PCSK5: variants seen among roughly 807,000 people sequenced by gnomAD.
PCSK5 encodes proprotein convertase subtilisin/kexin type 5.
Under a neutral mutation model 233.2 loss-of-function variants are expected in PCSK5, and 129 were observed. The observed-to-expected ratio is 0.55, with a 90% CI of 0.48 to 0.64. The LOEUF (loss-of-function observed/expected upper bound fraction) is 0.64, where lower values mean the gene tolerates loss of function less well. PCSK5 is among the 30% of genes least tolerant of loss of function. The probability of loss-of-function intolerance (pLI) is 0.00; values close to 1 mark genes in which losing one functional copy is unlikely to be tolerated. For synonymous variants in PCSK5, 825 were observed against 879.2 expected (o/e 0.94, Z 1.09); for missense variants, 2,076 against 2,430.1 (o/e 0.85, Z 3.06).
chr9:75,912,316 A>G (rs531019994), intron 1 of PCSK5, among the ~76,000 whole-genome samples: 5 of 152,164 alleles, frequency 3.3e-5, no homozygotes, highest in Non-Finnish European at 7.3e-5. Flanking sequence ...GAACCCTACT[A>G]TGTTGGAGGC....
intron 10 of PCSK5, among the ~76,000 whole-genome samples, chr9:76,152,751 C>A (rs1023760909): frequency 6.6e-6 from 1 of 152,152 alleles, no homozygotes; most frequent in Non-Finnish European, 1.5e-5. Flanking sequence ...TGCCCAGAAA[C>A]TTCTATTTTT....
At chr9:76,027,713 GT>G (rs1241525366) in intron 5 of PCSK5, among the ~76,000 whole-genome samples, 1 of 152,020 alleles carries the variant, frequency 6.6e-6, no homozygotes. Flanking sequence ...GAGAGAATGG[GT>G]TTTCTTGCTT....
intron 10 of PCSK5, among the ~76,000 whole-genome samples, chr9:76,137,102 C>G (rs896248974): frequency 5.9e-5 from 9 of 152,096 alleles, no homozygotes; most frequent in African/African-American, 1.9e-4. Context: ...TCCATTCTTA[C>G]CCACATGTGT....
chr9:76,273,974 T>C (rs1405003016), intron 24 of PCSK5, among the ~76,000 whole-genome samples: 7 of 151,710 alleles, frequency 4.6e-5, no homozygotes, highest in East Asian at 3.9e-4. Flanking sequence ...TTTTTTTTTT[T>C]CCAACAATTC....
chr9:75,937,777 G>A (rs13285402), intron 2 of PCSK5, among the ~76,000 whole-genome samples: 15,467 of 152,228 alleles, frequency 0.1, 927 homozygotes, highest in Non-Finnish European at 0.13. Context: ...ATCAGCACTT[G>A]CTGCTTCACC....
intron 24 of PCSK5, among the ~76,000 whole-genome samples, chr9:76,283,902 T>C (rs1248831271): frequency 6.6e-6 from 1 of 152,214 alleles, no homozygotes; most frequent in Non-Finnish European, 1.5e-5. Context: ...ATAGTCCGTC[T>C]ATAAAGAAGG....
chr9:76,201,524 T>G (rs1208877599), intron 20 of PCSK5, among the ~76,000 whole-genome samples: 1 of 152,182 alleles, frequency 6.6e-6, no homozygotes, highest in Non-Finnish European at 1.5e-5. Context: ...CAAGGAGGAT[T>G]CCATCAAAAC....
chr9:76,263,252 A>G (rs1827235136), intron 24 of PCSK5, among the ~76,000 whole-genome samples: 1 of 152,210 alleles, frequency 6.6e-6, no homozygotes, highest in Admixed American at 6.5e-5. Context: ...TAGAAATACC[A>G]TTTGACTCAG....
intron 3 of PCSK5, among the ~76,000 whole-genome samples, chr9:76,012,067 G>T (rs1463873449): frequency 6.6e-6 from 1 of 152,052 alleles, no homozygotes; most frequent in Non-Finnish European, 1.5e-5. Flanking sequence ...CTCATTCCCA[G>T]ATGTAGACTT....
At chr9:76,203,776 C>T (rs1312539732) in intron 20 of PCSK5, among the ~76,000 whole-genome samples, 1 of 152,152 alleles carries the variant, frequency 6.6e-6, no homozygotes, top group Non-Finnish European at 1.5e-5. Context: ...TGAGAACACA[C>T]CTGCTCAATC....
rs1251591881 is a variant in PCSK5, at chr9:76,328,153, G to A, written c.4484G>A (p.Cys1495Tyr). Residue 1495 changes from cysteine (C) to tyrosine (Y), a missense_variant, in exon 33 of 38, where the codon TGC becomes TAC. Coordinates refer to ENST00000674117, the MANE Select transcript of PCSK5 (RefSeq NM_001372043.1). ...TACTGGGATGAGGATGCTCCCGGGTGCAAGCCCTGCCATGTTAAGTGCTTC... is the reference window on the plus strand; with the variant it reads ...TACTGGGATGAGGATGCTCCCGGGTACAAGCCCTGCCATGTTAAGTGCTTC... Reference protein sequence around the residue: ...SEYWDEDAPGCKPCHVKCFHC... With the variant: ...SEYWDEDAPGYKPCHVKCFHC... 1.9e-6 allele frequency: 3 copies of A among 1,612,732 alleles called. No homozygotes were observed. The highest frequency in any genetic ancestry group is 1.7e-5 in the Admixed American group (1 of 59,996).
chr9:76,326,303 T>C (rs1829357476), intron 32 of PCSK5, among the ~76,000 whole-genome samples: 1 of 152,066 alleles, frequency 6.6e-6, no homozygotes, highest in Non-Finnish European at 1.5e-5. Context: ...GGGGGATCAC[T>C]TTAGCCTGGG....
chr9:76,164,063 A>G (rs1587705665), intron 12 of PCSK5, among the ~76,000 whole-genome samples: 1 of 152,128 alleles, frequency 6.6e-6, no homozygotes, highest in Admixed American at 6.5e-5. Flanking sequence ...TGCAAAACCT[A>G]TGGAGTCCTA....
At chr9:75,979,428 A>G (rs1266843950) in intron 2 of PCSK5, among the ~76,000 whole-genome samples, 1 of 152,182 alleles carries the variant, frequency 6.6e-6, no homozygotes, top group Admixed American at 6.5e-5. Context: ...AGTTGTAGGG[A>G]CAAGTTCAGC....
Position 75,928,592 on chromosome 9 carries a change from AATACATATATATATATATATATATAT to A in PCSK5, c.193-3783_193-3758del, listed in dbSNP as rs943638422. On this transcript the variant is annotated intron_variant, in intron 1 of 37. Coordinates refer to ENST00000674117, the MANE Select transcript of PCSK5 (RefSeq NM_001372043.1). ...AGACATAAACATGCTTTTACATATA[AATACATATATATATATATATATATAT>A]ATATATATATATATATATATAATCC... 1.2e-3 allele frequency among the ~76,000 whole-genome samples: 94 copies of A among 75,292 alleles called. 1 individual carries two copies. Among genetic ancestry groups the A allele is most frequent in the African/African-American group, 4.2e-3 (91 of 21,816 alleles). 49.4% of individuals were successfully genotyped at this position (75,292 alleles called of 152,430 possible). A position where few individuals can be genotyped will look rare whatever the true frequency, so the allele number is the denominator to read the frequency against.
At chr9:76,061,942 C>T (rs1247848736) in intron 5 of PCSK5, among the ~76,000 whole-genome samples, 1 of 151,834 alleles carries the variant, frequency 6.6e-6, no homozygotes, top group Non-Finnish European at 1.5e-5. Context: ...TAATCAAATG[C>T]CAGAATGGGA....
chr9:76,007,314 G>A (rs1827519548), intron 3 of PCSK5, among the ~76,000 whole-genome samples: 1 of 152,114 alleles, frequency 6.6e-6, no homozygotes. Flanking sequence ...AAATTTTTTA[G>A]TAGAATTTTA....
chr9:76,089,384 C>T (rs1035680324), intron 7 of PCSK5, among the ~76,000 whole-genome samples: 12 of 152,132 alleles, frequency 7.9e-5, no homozygotes, highest in African/African-American at 2.9e-4. Flanking sequence ...ATATACAGAT[C>T]CAGAGGTTCT....
chr9:75,953,616 A>G lies in PCSK5; in HGVS notation c.297+21133A>G, dbSNP rs532291460. On this transcript the variant is annotated intron_variant, in intron 2 of 37. Transcript: ENST00000674117. ...TCTGTGAAAGCAAAAACAATTTGGT[A>G]GTTTTATTGGCGTGCATATGTGTGT... Among the ~76,000 whole-genome samples, 3 of 151,346 alleles carry G rather than the reference A, an allele frequency of 2.0e-5. No individual in the cohort carries two copies. The East Asian group carries it at 5.9e-4, about 30-fold the overall frequency.
Sources: gnomAD v4.1 joint callset for allele counts (sites outside exome capture counted in the v4.1 genomes callset) on GRCh38, gnomAD v4.1.1 for gene constraint, MANE v1.5 for transcripts, NCBI Gene and HGNC (gene_info 2026-07-23, HGNC 2026-07-21) for gene names.